Variants in ZNF197 observed in about 807,000 individuals in gnomAD.
ZNF197 encodes VHL-associated KRAB-A domain-containing protein.
In ZNF197, 14 loss-of-function variants were observed where a neutral mutation model predicts 27.4. The ratio of observed to expected loss-of-function variants is 0.51; its 90% CI spans 0.34 to 0.80. ZNF197 has a LOEUF of 0.80. ZNF197 is among the 30% of genes least tolerant of loss of function. The pLI is 0.02. For synonymous variants in ZNF197, 415 were observed against 420.0 expected (o/e 0.99, Z 0.15); for missense variants, 1,090 against 1,222.6 (o/e 0.89, Z 1.62).
rs1702831199 is a variant in ZNF197 at position 44,644,416 on chromosome 3, A to T, written c.*196A>T. The stretch of plus-strand genomic sequence containing the variant: ...CACTTTGAGAGGCCGAAGCGAGTGG[A>T]TCACCTGAGGTCAGGATTTTGAGAC... On this transcript the variant is annotated 3_prime_UTR_variant, in exon 6 of 6. Transcript: ENST00000344387. The T allele has an allele frequency of 1.6e-6, 2 of 1,279,236 alleles. No individual in the cohort carries two copies. The highest frequency in any genetic ancestry group is 2.0e-6 in the Non-Finnish European group (2 of 1,000,836). The allele number at this position is 1,279,236 out of a possible 1,614,324, so 79.2% of individuals were successfully genotyped here.
At chr3:44,632,644 CTTTA>C in intron 5 of ZNF197, 45 bp downstream of exon 5, 2 of 1,409,214 alleles carry the variant, frequency 1.4e-6, no homozygotes, top group Non-Finnish European at 1.9e-6. Flanking sequence ...TTTCACCAGC[CTTTA>C]TTTGTTTTCT....
intron 5 of ZNF197, among the ~76,000 whole-genome samples, chr3:44,636,058 C>T (rs757588723): frequency 3.9e-5 from 6 of 152,060 alleles, no homozygotes; most frequent in Non-Finnish European, 8.8e-5. Flanking sequence ...TAATCCCAGC[C>T]GTTTGGGAGG....
intron 5 of ZNF197, among the ~76,000 whole-genome samples, chr3:44,633,000 G>T (rs1318916752): frequency 6.6e-6 from 1 of 152,130 alleles, no homozygotes; most frequent in Non-Finnish European, 1.5e-5. Context: ...TGTGCCTAAG[G>T]CCTTCTAAAA....
At position 44,643,578 on chromosome 3, in the gene ZNF197, A is replaced by T. The variant is rs1230208150; in HGVS notation, c.2448A>T (p.Lys816Asn). 15 of 1,614,196 alleles carry T rather than the reference A, an allele frequency of 9.3e-6. No individual in the cohort carries two copies. Among genetic ancestry groups the T allele is most frequent in the Non-Finnish European group, 1.1e-5 (13 of 1,180,016 alleles). The change falls in exon 6 of 6, where the codon AAA (lysine) becomes AAT (asparagine). Residue 816 changes from lysine (K) to asparagine (N), a missense_variant. Transcript: ENST00000344387. The stretch of plus-strand genomic sequence containing the variant: ...ATCAGAGAATTCACACGAGGGAAAA[A>T]TCTTATAAATGCAATGACTGTGGGA... The part of the protein sequence containing the change: ...IGHQRIHTRE[K>N]SYKCNDCGKV...
Position 44,644,760 on chromosome 3 carries a change from C to T in ZNF197, c.*540C>T. ...ATGGGCTGGGTGCAGTGGCTCACTC[C>T]TGTAGTCCCAGGACTTTGGGAGGCC... On this transcript the variant is annotated 3_prime_UTR_variant, in exon 6 of 6. Coordinates refer to ENST00000344387, the MANE Select transcript of ZNF197 (RefSeq NM_006991.5). 1 of 985,546 alleles carries T rather than the reference C, an allele frequency of 1.0e-6. No individual in the cohort carries two copies. The highest frequency in any genetic ancestry group is 1.2e-6 in the Non-Finnish European group (1 of 830,018). 61.1% of individuals were successfully genotyped at this position (985,546 alleles called of 1,614,324 possible).
At position 44,644,078 on chromosome 3, in the gene ZNF197, A is replaced by G. The variant is rs1473465602; in HGVS notation, c.2948A>G (p.Glu983Gly). 6.2e-7 allele frequency: 1 copy of G among 1,614,186 alleles called. No individual in the cohort carries two copies. The highest frequency in any genetic ancestry group is 1.7e-5 in the Admixed American group (1 of 60,022). ...GTACATCAGAAAATCCACACAGATG[A>G]AAAACCTTGTGAATGTGATGTGTCT... Reference protein sequence around the residue: ...LTVHQKIHTDEKPCECDVSEK... With the variant: ...LTVHQKIHTDGKPCECDVSEK... Residue 983 changes from glutamate to glycine, a missense_variant, in exon 6 of 6, where the codon GAA becomes GGA. Physicochemically the swap from Glu to Gly is moderately conservative, Grantham distance 98. Transcript: ENST00000344387.
chr3:44,630,316 G>A (rs1263589736), intron 2 of ZNF197, among the ~76,000 whole-genome samples: 2 of 152,214 alleles, frequency 1.3e-5, no homozygotes, highest in Admixed American at 6.5e-5. Context: ...GGATCTGCAA[G>A]CCAAGGGATT....
chr3:44,630,977 T>G (rs1364843427), intron 2 of ZNF197, 85 bp from the exon 3 acceptor site: 1 of 1,570,938 alleles, frequency 6.4e-7, no homozygotes, highest in African/African-American at 1.4e-5. Flanking sequence ...AGTTGTAGAT[T>G]GTGGGCAGAA....
chr3:44,635,420 G>A (rs1489051755), intron 5 of ZNF197, among the ~76,000 whole-genome samples: 1 of 152,162 alleles, frequency 6.6e-6, no homozygotes, highest in East Asian at 1.9e-4. Context: ...AGGTAACTAT[G>A]ATGGTTAAAA....
rs535712773 is a variant in ZNF197, at chr3:44,631,028, A to G, written c.391-34A>G. 12 of 1,613,426 alleles carry G rather than the reference A, an allele frequency of 7.4e-6. No individual in the cohort carries two copies. In the South Asian group the frequency reaches 1.2e-4, roughly 16 times the overall value. Reference sequence around the variant, plus strand: ...TTAGGTGAGTCCATTTTCTTAAGAAACAAGAAGAGCTAGCTTATTTTACTT... The same window carrying G: ...TTAGGTGAGTCCATTTTCTTAAGAAGCAAGAAGAGCTAGCTTATTTTACTT... On this transcript the variant is annotated intron_variant, in intron 2 of 5. Coordinates refer to ENST00000344387, the MANE Select transcript of ZNF197 (RefSeq NM_006991.5).
In ZNF197 at chr3:44,645,840, A is replaced by G. The variant is rs978421979; in HGVS notation, c.*1620A>G. The G allele has an allele frequency of 2.0e-6, 2 of 985,322 alleles. No homozygotes were observed. The highest frequency in any genetic ancestry group is 1.7e-5 in the African/African-American group (1 of 57,246). 61.0% of individuals were successfully genotyped at this position (985,322 alleles called of 1,614,324 possible). ...ATCCACTTGTGGGCAGTCAGTGCCC[A>G]TTACCCCCTGTGAACCATTCTGTGC... On this transcript the variant is annotated 3_prime_UTR_variant, in exon 6 of 6. Coordinates refer to ENST00000344387, the MANE Select transcript of ZNF197 (RefSeq NM_006991.5).
In ZNF197 at chr3:44,629,449, C is replaced by G. The variant is rs748979009; in HGVS notation, c.295C>G (p.Arg99Gly). 2 of 1,613,906 alleles carry G rather than the reference C, an allele frequency of 1.2e-6. No homozygotes were observed. The highest frequency in any genetic ancestry group is 1.7e-5 in the Admixed American group (1 of 59,998). Residue 99 changes from arginine to glycine, a missense_variant, in exon 2 of 6, where the codon CGG becomes GGG. Coordinates refer to ENST00000344387, the MANE Select transcript of ZNF197 (RefSeq NM_006991.5). ...TCTGAGCATCCTGCCTGGGGAGATT[C>G]GGACCTGGGTACAGCTCCATCACCC... is the stretch of plus-strand genomic sequence containing the variant. ...QFLSILPGEI[R>G]TWVQLHHPGS...
chr3:44,642,167 A>G lies in ZNF197; in HGVS notation c.1037A>G (p.Glu346Gly), dbSNP rs1328386641. The G allele has an allele frequency of 6.2e-7, 1 of 1,614,228 alleles. No homozygotes were observed. Among genetic ancestry groups the G allele is most frequent in the Non-Finnish European group, 8.5e-7 (1 of 1,180,040 alleles). ...PPEKQGQKWK[E>G]LGDSLTFGSA... ...GAGAAACAAGGCCAAAAGTGGAAGG[A>G]ATTAGGAGACAGCTTGACTTTCGGT... is the stretch of plus-strand genomic sequence containing the variant. Residue 346 changes from glutamate to glycine, a missense_variant, in exon 6 of 6, where the codon GAA (glutamate) becomes GGA (glycine). Glu to Gly is a moderately conservative substitution (Grantham distance 98). Coordinates refer to ENST00000344387, the MANE Select transcript of ZNF197 (RefSeq NM_006991.5).
chr3:44,642,422 G>T lies in ZNF197; in HGVS notation c.1292G>T (p.Cys431Phe), dbSNP rs1257776420. The change falls in exon 6 of 6, where the codon TGT (cysteine) becomes TTT (phenylalanine). Residue 431 changes from cysteine (C) to phenylalanine (F), a missense_variant. Physicochemically the swap from Cys to Phe is radical, Grantham distance 205. Coordinates refer to ENST00000344387, the MANE Select transcript of ZNF197 (RefSeq NM_006991.5). Reference protein sequence around the residue: ...SGEKPYKCNECGKAFSQSAYL... With the variant: ...SGEKPYKCNEFGKAFSQSAYL... Reference sequence around the variant, plus strand: ...GAGAAACCTTATAAATGTAATGAATGTGGGAAAGCATTTTCTCAAAGTGCT... The same window carrying T: ...GAGAAACCTTATAAATGTAATGAATTTGGGAAAGCATTTTCTCAAAGTGCT... 1 of 1,614,004 alleles carries T rather than the reference G, an allele frequency of 6.2e-7. No individual in the cohort carries two copies. The highest frequency in any genetic ancestry group is 1.3e-5 in the African/African-American group (1 of 74,930).
intron 3 of ZNF197, 38 bp downstream of exon 3, chr3:44,631,259 G>T: frequency 6.2e-7 from 1 of 1,610,732 alleles, no homozygotes; most frequent in Non-Finnish European, 8.5e-7. Context: ...GCTGTTCAAG[G>T]ACCCTTCCTG....
chr3:44,639,688 C>T (rs1702490523), intron 5 of ZNF197, among the ~76,000 whole-genome samples: 1 of 151,712 alleles, frequency 6.6e-6, no homozygotes, highest in Admixed American at 6.6e-5. Flanking sequence ...CAGAGAGTGA[C>T]TTTAGAACTT....
In ZNF197 at chr3:44,643,861, T is replaced by G. The variant is rs1335893428; in HGVS notation, c.2731T>G (p.Phe911Val). Residue 911 changes from phenylalanine (F) to valine (V), a missense_variant, in exon 6 of 6, where the codon TTT (phenylalanine) becomes GTT (valine). Phe to Val is a conservative substitution (Grantham distance 50, BLOSUM62 -1). Transcript: ENST00000344387. ...PYKCNECGKD[F>V]SQNKNLVVHQ... ...TAAATGTAATGAGTGTGGAAAAGAC[T>G]TTAGTCAGAATAAAAACCTTGTTGT... 2 of 1,613,418 alleles carry G rather than the reference T, an allele frequency of 1.2e-6. No individual in the cohort carries two copies.
chr3:44,629,329 G>A lies in ZNF197; in HGVS notation c.175G>A (p.Ala59Thr), dbSNP rs748892972. 1.2e-6 allele frequency: 2 copies of A among 1,614,152 alleles called. No homozygotes were observed. The highest frequency in any genetic ancestry group is 2.2e-5 in the East Asian group (1 of 44,874). Residue 59 changes from alanine (A) to threonine (T), a missense_variant, in exon 2 of 6, where the codon GCC becomes ACC. By Grantham distance (58) the Ala-to-Thr change is moderately conservative (BLOSUM62 0). Coordinates refer to ENST00000344387, the MANE Select transcript of ZNF197 (RefSeq NM_006991.5). ...CCATGAGACATCTGGACCCCAGGAAGCCCTGAGCCGGCTCAGGGAACTCTG... is the reference window on the plus strand; with the variant it reads ...CCATGAGACATCTGGACCCCAGGAAACCCTGAGCCGGCTCAGGGAACTCTG... ...RYHETSGPQE[A>T]LSRLRELCRR...
chr3:44,631,979 G>A (rs894762018), intron 3 of ZNF197, 126 bp from the exon 4 acceptor site: 15 of 847,794 alleles, frequency 1.8e-5, no homozygotes, highest in South Asian at 4.4e-5. Context: ...GGGATTACAG[G>A]TGTGAGCCAC....
Sources: allele counts gnomAD v4.1 joint callset (sites outside exome capture counted in the v4.1 genomes callset), GRCh38; gene constraint gnomAD v4.1.1; transcripts MANE v1.5; gene names NCBI Gene and HGNC (gene_info 2026-07-23, HGNC 2026-07-21).